The following ST8SIA5 variants were observed in gnomAD, a reference collection of about 807,000 sequenced individuals.
The protein encoded by ST8SIA5 is alpha-2,8-sialyltransferase 8E.
A neutral mutation model predicts 40.2 loss-of-function variants in ST8SIA5; 24 were observed. The ratio of observed to expected loss-of-function variants is 0.60; its 90% CI spans 0.43 to 0.84. The LOEUF (loss-of-function observed/expected upper bound fraction) is 0.84. Among genes scored for constraint, ST8SIA5 ranks in the 40% least tolerant of loss-of-function variants. The pLI, the probability that ST8SIA5 is intolerant of heterozygous loss-of-function variation, is 0.00. For missense variants in ST8SIA5, 465 were observed against 498.5 expected, an observed-to-expected ratio of 0.93 and a Z score of 0.64; for synonymous variants, 198 against 201.8, an observed-to-expected ratio of 0.98 and a Z score of 0.16.
chr18:46,747,724 T>C (rs2040154304), intron 1 of ST8SIA5, among the ~76,000 whole-genome samples: 1 of 152,242 alleles, frequency 6.6e-6, no homozygotes. Flanking sequence ...TTACTGGGTA[T>C]ATACCCAAAG....
intron 5 of ST8SIA5, chr18:46,685,871 G>A (rs758673729): frequency 8.9e-5 from 32 of 359,248 alleles, no homozygotes; most frequent in Non-Finnish European, 1.4e-4. Context: ...CAAGGAGACG[G>A]TGCCCAGAGG....
Position 46,680,444 on chromosome 18 carries a change from C to T in ST8SIA5, c.729G>A (p.Ser243=). 2.5e-6 allele frequency: 4 copies of T among 1,610,790 alleles called. No homozygotes were observed. The highest frequency in any genetic ancestry group is 1.7e-6 in the Non-Finnish European group (2 of 1,178,370). The change falls in exon 7 of 7, where the codon TCG becomes TCA. Residue 243 remains serine, a synonymous_variant. Transcript: ENST00000315087. ...TGTTGTAGAAGGCAGGCAGCAGCAC[C>T]GACGCGTTCTCGTACACCTGCAGCA... ...YRVLQVYENA[S]VLLPAFYNTR... is the part of the protein sequence containing the mutation.
At chr18:46,754,961 A>T (rs934976769) in intron 1 of ST8SIA5, among the ~76,000 whole-genome samples, 2 of 152,316 alleles carry the variant, frequency 1.3e-5, no homozygotes, top group Admixed American at 1.3e-4. Flanking sequence ...GCAGTAGCCA[A>T]AACAAGAGGC....
chr18:46,688,625 C>A (rs1232096361), intron 4 of ST8SIA5, 150 bp downstream of exon 4: 6 of 942,760 alleles, frequency 6.4e-6, no homozygotes, highest in Non-Finnish European at 9.2e-6. Context: ...TGGGCTTCTG[C>A]ACCTCAGACA....
rs2039733869 is a variant in ST8SIA5 at position 46,711,650 on chromosome 18, C to T, written c.132-6986G>A. 1.3e-5 allele frequency among the ~76,000 whole-genome samples: 2 copies of T among 152,200 alleles called. 1 individual carries two copies. The highest frequency in any genetic ancestry group is 4.1e-4 in the South Asian group (2 of 4,832). On this transcript the variant is annotated intron_variant, in intron 1 of 6. Transcript: ENST00000315087. ...CACACGACCCGTCACAGCAAACGCA[C>T]AGAAATCAGTCTGAAAATTGCAGCC...
chr18:46,683,942 G>A (rs747626018), intron 5 of ST8SIA5, among the ~76,000 whole-genome samples: 6 of 152,108 alleles, frequency 3.9e-5, no homozygotes, highest in African/African-American at 7.2e-5. Context: ...GGTGGAGGAC[G>A]GGCCTGTCTG....
intron 1 of ST8SIA5, among the ~76,000 whole-genome samples, chr18:46,714,740 G>T (rs921066265): frequency 1.3e-5 from 2 of 152,172 alleles, no homozygotes; most frequent in African/African-American, 4.8e-5. Context: ...CCTGTGAGGT[G>T]CTTTAACCTT....
chr18:46,756,774 T>G lies in ST8SIA5; in HGVS notation c.-266A>C. On this transcript the variant is annotated 5_prime_UTR_variant, in exon 1 of 7. The change abolishes the stop of an existing upstream ORF in the 5' untranslated region. Transcript: ENST00000315087. Reference sequence around the variant, plus strand: ...GGCCTTCCCCACCCCCGGGTACCTTTACCTCCAGGCGCCGGTGCCGGGTAG... The same window carrying G: ...GGCCTTCCCCACCCCCGGGTACCTTGACCTCCAGGCGCCGGTGCCGGGTAG... 5.1e-6 allele frequency: 2 copies of G among 393,378 alleles called. No individual in the cohort carries two copies. The highest frequency in any genetic ancestry group is 9.0e-6 in the Non-Finnish European group (2 of 222,584). 24.4% of individuals were successfully genotyped at this position (393,378 alleles called of 1,614,324 possible).
At chr18:46,702,913 G>T (rs1189655267) in intron 2 of ST8SIA5, among the ~76,000 whole-genome samples, 2 of 152,220 alleles carry the variant, frequency 1.3e-5, no homozygotes, top group Non-Finnish European at 2.9e-5. Flanking sequence ...TAGTACAGGG[G>T]CCATAAACAA....
chr18:46,702,012 T>C (rs909244180), intron 2 of ST8SIA5, among the ~76,000 whole-genome samples: 2 of 151,960 alleles, frequency 1.3e-5, no homozygotes, highest in South Asian at 4.2e-4. Context: ...CCTGGCACAG[T>C]GGCAGGCACC....
intron 1 of ST8SIA5, among the ~76,000 whole-genome samples, chr18:46,753,038 T>A (rs2040208702): frequency 6.6e-6 from 1 of 152,212 alleles, no homozygotes; most frequent in African/African-American, 2.4e-5. Context: ...CAAATTGTTC[T>A]TCTCAATCTT....
intron 5 of ST8SIA5, among the ~76,000 whole-genome samples, chr18:46,683,965 G>T (rs2144464274): frequency 6.6e-6 from 1 of 152,096 alleles, no homozygotes. Context: ...TCCAAGCCTA[G>T]GTCTCGTTCC....
intron 1 of ST8SIA5, chr18:46,721,430 G>A: frequency 1.3e-6 from 2 of 1,536,086 alleles, no homozygotes; most frequent in Non-Finnish European, 1.7e-6. Context: ...CCGTCCAATT[G>A]GTCAGCTGGT....
intron 5 of ST8SIA5, among the ~76,000 whole-genome samples, chr18:46,684,829 G>A (rs1434426779): frequency 6.6e-6 from 1 of 152,188 alleles, no homozygotes; most frequent in Non-Finnish European, 1.5e-5. Context: ...CTCATGATAG[G>A]TGGACACCAG....
In ST8SIA5 at chr18:46,692,193, T is replaced by C. The variant is rs1193389198; in HGVS notation, c.287A>G (p.Asn96Ser). Residue 96 changes from asparagine to serine, a missense_variant, in exon 3 of 7, where the codon AAC becomes AGC. Physicochemically the swap from Asn to Ser is conservative, Grantham distance 46. Coordinates refer to ENST00000315087, the MANE Select transcript of ST8SIA5 (RefSeq NM_013305.6). ...KSLQMCKWAM[N>S]ISEANQFKST... ...CTTGAACTGGTTGGCCTCAGAGATG[T>C]TCATCGCCCATTTGCACATCTGGAG... 1.9e-6 allele frequency: 3 copies of C among 1,614,088 alleles called. No homozygotes were observed. The South Asian group carries it at 3.3e-5, about 18-fold the overall frequency.
rs1424525491 is a variant in ST8SIA5 at position 46,678,279 on chromosome 18, T to A, written c.*1763A>T. On this transcript the variant is annotated 3_prime_UTR_variant, in exon 7 of 7. Coordinates refer to ENST00000315087, the MANE Select transcript of ST8SIA5 (RefSeq NM_013305.6). ...AGAGTCAGCACTGAGAACAGTGTTG[T>A]GCACAGGGCACAGGTTCCACAACAA... is the stretch of plus-strand genomic sequence containing the variant. 1 of 152,290 alleles carries A rather than the reference T, an allele frequency of 6.6e-6. No homozygotes were observed. The highest frequency in any genetic ancestry group is 2.4e-5 in the African/African-American group (1 of 41,438). The allele number at this position is 152,290 out of a possible 1,614,324, so 9.4% of individuals were successfully genotyped here.
In ST8SIA5 at chr18:46,692,180, G is replaced by A; in HGVS notation, c.300C>T (p.Ala100=). 6.2e-7 allele frequency: 1 copy of A among 1,614,078 alleles called. No individual in the cohort carries two copies. Among genetic ancestry groups the A allele is most frequent in the Non-Finnish European group, 8.5e-7 (1 of 1,180,004 alleles). The part of the protein sequence containing the change: ...MCKWAMNISE[A]NQFKSTLSRC... ...CGAATCATAGATACTTGAACTGGTT[G>A]GCCTCAGAGATGTTCATCGCCCATT... is the stretch of plus-strand genomic sequence containing the variant. The change falls in exon 3 of 7, where the codon GCC becomes GCT. Residue 100 remains alanine (A), a synonymous_variant. Transcript: ENST00000315087.
In ST8SIA5 at chr18:46,681,960, A is replaced by G. The variant is rs764621872; in HGVS notation, c.662+12T>C. 1 of 1,613,412 alleles carries G rather than the reference A, an allele frequency of 6.2e-7. No homozygotes were observed. Among genetic ancestry groups the G allele is most frequent in the African/African-American group, 1.3e-5 (1 of 74,928 alleles). On this transcript the variant is annotated intron_variant, in intron 6 of 6. Transcript: ENST00000315087. ...TTTTGGACAGTGCAGCTCTAGAAAGAGGGCCACTGACCTCTCTGTGATGAT... is the reference window on the plus strand; with the variant it reads ...TTTTGGACAGTGCAGCTCTAGAAAGGGGGCCACTGACCTCTCTGTGATGAT...
intron 2 of ST8SIA5, among the ~76,000 whole-genome samples, chr18:46,694,225 C>CT (rs908402137): frequency 4.0e-5 from 6 of 151,650 alleles, no homozygotes; most frequent in South Asian, 2.1e-4. Flanking sequence ...AATTATGCAT[C>CT]TTTTTTTTTG....
Sources: allele counts gnomAD v4.1 joint callset (sites outside exome capture counted in the v4.1 genomes callset), GRCh38; gene constraint gnomAD v4.1.1; transcripts MANE v1.5; gene names NCBI Gene and HGNC (gene_info 2026-07-23, HGNC 2026-07-21).